HPSE2: variants seen among roughly 807,000 people sequenced by gnomAD.
HPSE2 encodes inactive heparanase-2.
A neutral mutation model predicts 60.5 loss-of-function variants in HPSE2; 38 were observed. That is an observed-to-expected ratio of 0.63 (90% CI 0.48 to 0.82). The LOEUF (loss-of-function observed/expected upper bound fraction) is 0.82. HPSE2 is among the 40% of genes least tolerant of loss of function. HPSE2 has a pLI of 0.00. For missense variants in HPSE2, 713 were observed against 740.4 expected (o/e 0.96, Z 0.43); for synonymous variants, 295 against 293.2 (o/e 1.01, Z -0.06).
chr10:99,278,922 G>T, the HPSE2 span, among the ~76,000 whole-genome samples: 1 of 152,102 alleles, frequency 6.6e-6, no homozygotes, highest in African/African-American at 2.4e-5. Flanking sequence ...GAATAATCAT[G>T]AAATGTTTAA....
At chr10:98,645,542 A>G (rs1249511259) in intron 6 of HPSE2, among the ~76,000 whole-genome samples, 1 of 152,232 alleles carries the variant, frequency 6.6e-6, no homozygotes, top group Non-Finnish European at 1.5e-5. Flanking sequence ...TCACATTTGA[A>G]TGTCAAAGGA....
chr10:98,483,348 C>T (rs565597101), intron 10 of HPSE2, among the ~76,000 whole-genome samples: 46 of 152,144 alleles, frequency 3.0e-4, no homozygotes, highest in Admixed American at 5.9e-4. Flanking sequence ...TAGAAGAATG[C>T]TAAACTTTTC....
intron 2 of HPSE2, among the ~76,000 whole-genome samples, chr10:99,164,290 T>C (rs1420190624): frequency 3.6e-5 from 5 of 138,250 alleles, no homozygotes; most frequent in Non-Finnish European, 7.8e-5. Flanking sequence ...TATGAACTTA[T>C]GAATGTTATT....
chr10:99,010,725 C>A (rs1185144314), intron 3 of HPSE2, among the ~76,000 whole-genome samples: 1 of 152,124 alleles, frequency 6.6e-6, no homozygotes, highest in Non-Finnish European at 1.5e-5. Context: ...GGATTCCTTT[C>A]CCATCCTAGC....
intron 3 of HPSE2, among the ~76,000 whole-genome samples, chr10:99,086,346 CTTTTTTT>C (rs66562418): frequency 1.6e-4 from 13 of 82,996 alleles, no homozygotes; most frequent in African/African-American, 4.5e-4. Flanking sequence ...AAAGTACTTT[CTTTTTTT>C]TTTTTTTTTT....
intron 3 of HPSE2, among the ~76,000 whole-genome samples, chr10:99,024,355 A>T (rs1957330525): frequency 6.6e-6 from 1 of 152,146 alleles, no homozygotes; most frequent in Admixed American, 6.5e-5. Context: ...AGGTTATAAA[A>T]TCGTATTTGC....
chr10:98,938,313 C>A (rs1197035751), intron 3 of HPSE2, among the ~76,000 whole-genome samples: 1 of 144,174 alleles, frequency 6.9e-6, no homozygotes, highest in South Asian at 2.1e-4. Flanking sequence ...GAAATTCAAA[C>A]CAAAGGCAAA....
chr10:98,527,218 T>A (rs1591315689), intron 9 of HPSE2, among the ~76,000 whole-genome samples: 1 of 152,154 alleles, frequency 6.6e-6, no homozygotes, highest in East Asian at 1.9e-4. Context: ...TTTTGACTCT[T>A]TATGATCTAC....
rs483952 is a variant in HPSE2, at chr10:98,624,242, C to T, written c.1099-3534G>A. ...TGGAAGAAAACAAAACAGAGTAACA[C>T]GGTAGAGAGCAATTTGACAAGAGGG... On this transcript the variant is annotated intron_variant, in intron 7 of 11. Transcript: ENST00000370552. 6.9e-3 allele frequency among the ~76,000 whole-genome samples: 1,051 copies of T among 152,028 alleles called. 8 individuals are homozygous for T. The highest frequency in any genetic ancestry group is 0.028 in the South Asian group (135 of 4,816).
At chr10:99,053,619 T>C (rs1958040171) in intron 3 of HPSE2, among the ~76,000 whole-genome samples, 1 of 150,820 alleles carries the variant, frequency 6.6e-6, no homozygotes, top group Non-Finnish European at 1.5e-5. Context: ...GGGCAATAGA[T>C]AGGACATGAT....
chr10:98,468,746 C>CTG (rs529605048), intron 11 of HPSE2, among the ~76,000 whole-genome samples: 5 of 152,204 alleles, frequency 3.3e-5, no homozygotes, highest in African/African-American at 9.6e-5. Context: ...TCATGCCTGG[C>CTG]TGTATGTTCC....
intron 2 of HPSE2, among the ~76,000 whole-genome samples, chr10:99,150,793 A>G (rs1208811084): frequency 6.6e-6 from 1 of 151,660 alleles, no homozygotes; most frequent in Non-Finnish European, 1.5e-5. Context: ...ACGCACAAAC[A>G]TGGGAGAGAC....
intron 3 of HPSE2, among the ~76,000 whole-genome samples, chr10:98,882,102 C>T (rs1953040003): frequency 6.6e-6 from 1 of 152,014 alleles, no homozygotes; most frequent in African/African-American, 2.4e-5. Context: ...CCCTCCTACA[C>T]TCCTGCCTTT....
At chr10:99,241,864 T>C in the HPSE2 span, among the ~76,000 whole-genome samples, 2 of 152,326 alleles carry the variant, frequency 1.3e-5, no homozygotes, top group East Asian at 3.9e-4. Flanking sequence ...CTAATGACTA[T>C]GGTAAGAATT....
At chr10:98,483,812 G>A (rs770327041) in intron 10 of HPSE2, among the ~76,000 whole-genome samples, 20 of 152,218 alleles carry the variant, frequency 1.3e-4, no homozygotes, top group African/African-American at 1.7e-4. Context: ...TGGACAAGTA[G>A]TGTGAATGAG....
intron 3 of HPSE2, among the ~76,000 whole-genome samples, chr10:98,965,160 C>A (rs575413296): frequency 6.6e-6 from 1 of 152,248 alleles, no homozygotes; most frequent in East Asian, 1.9e-4. Flanking sequence ...ATGCAATTCT[C>A]TGATCAAAAT....
chr10:99,138,702 T>G (rs1319415384), intron 3 of HPSE2, among the ~76,000 whole-genome samples: 1 of 151,962 alleles, frequency 6.6e-6, no homozygotes, highest in Non-Finnish European at 1.5e-5. Context: ...TGACAACACA[T>G]GGACATAGGG....
rs146287673 is a variant in HPSE2, at chr10:98,762,417, G to T, written c.611-18361C>A. Reference sequence around the variant, plus strand: ...CAGAGAGAAAATGTTCGGGGCTGGAGGATTCCCAAGAAGAGAACACTGGAG... The same window carrying T: ...CAGAGAGAAAATGTTCGGGGCTGGATGATTCCCAAGAAGAGAACACTGGAG... On this transcript the variant is annotated intron_variant, in intron 3 of 11. Coordinates refer to ENST00000370552, the MANE Select transcript of HPSE2 (RefSeq NM_021828.5). Among the ~76,000 whole-genome samples the T allele has an allele frequency of 4.3e-4, 66 of 152,210 alleles. 1 individual carries two copies. In the East Asian group the frequency reaches 0.012, roughly 28 times the overall value.
chr10:98,944,045 G>A (rs1955104352), intron 3 of HPSE2, among the ~76,000 whole-genome samples: 1 of 152,154 alleles, frequency 6.6e-6, no homozygotes. Context: ...AGAAAAACAT[G>A]GGATAGGGTT....
Sources: allele counts gnomAD v4.1 joint callset (sites outside exome capture counted in the v4.1 genomes callset), GRCh38; gene constraint gnomAD v4.1.1; transcripts MANE v1.5; gene names NCBI Gene and HGNC (gene_info 2026-07-23, HGNC 2026-07-21).